NRG4: variants seen among roughly 807,000 people sequenced by gnomAD.
NRG4 encodes the protein neuregulin 4.
In NRG4, 10 loss-of-function variants were observed where a neutral mutation model predicts 15.0. That is an observed-to-expected ratio of 0.67 (90% CI 0.41 to 1.13). The LOEUF (loss-of-function observed/expected upper bound fraction) is 1.13, where lower values mean the gene tolerates loss of function less well. NRG4 is among the 50% of genes most tolerant of loss of function. The probability of loss-of-function intolerance (pLI) is 0.00; values close to 1 mark genes in which losing one functional copy is unlikely to be tolerated. For synonymous variants in NRG4, 41 were observed against 50.1 expected, an observed-to-expected ratio of 0.82 and a Z score of 0.77; for missense variants, 139 against 140.2, an observed-to-expected ratio of 0.99 and a Z score of 0.04.
intron 2 of NRG4, among the ~76,000 whole-genome samples, chr15:76,053,827 G>A (rs1027318324): frequency 2.7e-5 from 4 of 150,908 alleles, no homozygotes; most frequent in African/African-American, 9.9e-5. Flanking sequence ...CACTGCACCC[G>A]GCCTGTACTT....
intron 3 of NRG4, among the ~76,000 whole-genome samples, chr15:75,972,802 G>C (rs1221951992): frequency 6.6e-6 from 1 of 152,056 alleles, no homozygotes; most frequent in African/African-American, 2.4e-5. Flanking sequence ...AGTCAGGTAG[G>C]GGGATGCCTT....
chr15:76,057,144 G>T (rs540745461), intron 1 of NRG4: 1 of 151,980 alleles, frequency 6.6e-6, no homozygotes, highest in Non-Finnish European at 1.5e-5. Context: ...CACCTGCAGT[G>T]TACTGAAGCA....
At chr15:76,006,801 C>T (rs1217515093) in intron 3 of NRG4, among the ~76,000 whole-genome samples, 1 of 152,178 alleles carries the variant, frequency 6.6e-6, no homozygotes, top group African/African-American at 2.4e-5. Context: ...ACGCATCTAT[C>T]CAACGTACAA....
intron 5 of NRG4, among the ~76,000 whole-genome samples, chr15:75,953,211 G>T (rs994115800): frequency 5.9e-5 from 9 of 152,084 alleles, no homozygotes; most frequent in Non-Finnish European, 1.3e-4. Flanking sequence ...GTATGTAGGG[G>T]TTTAAATCCA....
rs928576496 is a variant in NRG4, at chr15:76,022,179, A to G, written c.-56-10893T>C. ...GCCCGGGTGTGGGGACCCCTGCTCT[A>G]AATGAAAGCCTTGATCTTTAAGAAC... On this transcript the variant is annotated intron_variant, in intron 5 of 8. Transcript: ENST00000563910. Among the ~76,000 whole-genome samples the G allele has an allele frequency of 2.0e-5, 3 of 152,166 alleles. No homozygotes were observed. The South Asian group carries it at 6.2e-4, about 31-fold the overall frequency.
chr15:76,028,981 A>G (rs2035396473), intron 5 of NRG4, among the ~76,000 whole-genome samples: 1 of 151,942 alleles, frequency 6.6e-6, no homozygotes, highest in African/African-American at 2.4e-5. Context: ...TAGCAAAACC[A>G]GACAAGAACA....
chr15:75,990,102 G>A (rs1277497287), intron 3 of NRG4, among the ~76,000 whole-genome samples: 2 of 152,120 alleles, frequency 1.3e-5, no homozygotes, highest in East Asian at 3.9e-4. Flanking sequence ...AGCCCTGCCT[G>A]AGCTCTGGGG....
At chr15:75,974,056 G>A (rs1433372483) in intron 3 of NRG4, among the ~76,000 whole-genome samples, 4 of 152,086 alleles carry the variant, frequency 2.6e-5, no homozygotes, top group South Asian at 2.1e-4. Flanking sequence ...CTTGTTATTG[G>A]TCTATTCAGG....
chr15:76,030,738 G>C (rs183639324), intron 5 of NRG4, among the ~76,000 whole-genome samples: 34 of 152,268 alleles, frequency 2.2e-4, no homozygotes, highest in Non-Finnish European at 5.9e-5. Context: ...AAACAAATTT[G>C]AATCTCTAAT....
intron 2 of NRG4, among the ~76,000 whole-genome samples, chr15:76,053,604 T>C (rs1308200775): frequency 6.6e-6 from 1 of 150,798 alleles, no homozygotes; most frequent in African/African-American, 2.5e-5. Flanking sequence ...CAGTGGCACC[T>C]GGAGCACAGT....
At chr15:75,989,613 T>G (rs1005238234) in intron 3 of NRG4, among the ~76,000 whole-genome samples, 3 of 152,242 alleles carry the variant, frequency 2.0e-5, no homozygotes, top group African/African-American at 7.2e-5. Context: ...ACTCAACTTT[T>G]CATTTCAGAT....
At chr15:76,033,999 A>G (rs1209448539) in intron 5 of NRG4, among the ~76,000 whole-genome samples, 1 of 152,226 alleles carries the variant, frequency 6.6e-6, no homozygotes, top group African/African-American at 2.4e-5. Context: ...TCAACCCAAC[A>G]TGCACATACA....
intron 5 of NRG4, among the ~76,000 whole-genome samples, chr15:75,953,398 T>C (rs571249242): frequency 6.8e-4 from 104 of 152,372 alleles, no homozygotes; most frequent in Non-Finnish European, 1.3e-3. Context: ...ATGCCAGCAC[T>C]ACTTTGCCTT....
At chr15:76,030,184 A>C (rs1164174917) in intron 5 of NRG4, among the ~76,000 whole-genome samples, 1 of 152,036 alleles carries the variant, frequency 6.6e-6, no homozygotes, top group East Asian at 1.9e-4. Flanking sequence ...GCTTGAACCC[A>C]GGAGGCGGAG....
At chr15:76,036,511 A>T (rs1338663030) in intron 4 of NRG4, among the ~76,000 whole-genome samples, 1 of 152,152 alleles carries the variant, frequency 6.6e-6, no homozygotes, top group African/African-American at 2.4e-5. Flanking sequence ...AGAAGGCTAG[A>T]CTCCAATTCC....
chr15:76,047,273 T>C (rs1405802343), intron 4 of NRG4, among the ~76,000 whole-genome samples: 1 of 150,348 alleles, frequency 6.7e-6, no homozygotes, highest in Admixed American at 6.6e-5. Flanking sequence ...CACTATGGAG[T>C]CTACATCCAA....
chr15:75,981,736 T>C (rs1375059446), intron 3 of NRG4, among the ~76,000 whole-genome samples: 1 of 152,188 alleles, frequency 6.6e-6, no homozygotes, highest in Non-Finnish European at 1.5e-5. Context: ...TACTGATTTT[T>C]AGGGTTGTTT....
chr15:76,059,932 G>A (rs558640613), upstream of NRG4: 3 of 147,214 alleles, frequency 2.0e-5, no homozygotes, highest in South Asian at 4.2e-4. Context: ...GCGAGGGGGC[G>A]GGGGGGCGGA....
At chr15:76,020,682 G>C (rs1236634950) in intron 5 of NRG4, among the ~76,000 whole-genome samples, 1 of 152,212 alleles carries the variant, frequency 6.6e-6, no homozygotes, top group African/African-American at 2.4e-5. Context: ...AGCCATTCTG[G>C]GCTGCATGCG....
Sources: gnomAD v4.1 joint callset for allele counts (sites outside exome capture counted in the v4.1 genomes callset) on GRCh38, gnomAD v4.1.1 for gene constraint, MANE v1.5 for transcripts, NCBI Gene and HGNC (gene_info 2026-07-23, HGNC 2026-07-21) for gene names.